The following DCLK2 variants were observed in gnomAD, a reference collection of about 807,000 sequenced individuals.
DCLK2 encodes the protein serine/threonine-protein kinase DCLK2.
Under a neutral mutation model 78.4 loss-of-function variants are expected in DCLK2, and 31 were observed. The observed-to-expected ratio is 0.40, with a 90% CI of 0.30 to 0.53. The LOEUF is 0.53. Ranked by LOEUF, DCLK2 falls within the 20% of genes least tolerant of loss-of-function variation. DCLK2 has a pLI of 0.61. For synonymous variants in DCLK2, 407 were observed against 374.9 expected (o/e 1.09, Z -0.99); for missense variants, 872 against 973.7 (o/e 0.90, Z 1.39).
rs184848414 is a variant in DCLK2 at position 150,148,225 on chromosome 4, G to A, written c.757-44913G>A. ...CTAAAAATACAAAAATTAGCTGGAC[G>A]TTGTGGCATGCACCTGTAGTCCCAG... On this transcript the variant is annotated intron_variant, in intron 2 of 15. Transcript: ENST00000296550. Among the ~76,000 whole-genome samples the A allele has an allele frequency of 4.3e-3, 652 of 152,190 alleles. 2 individuals are homozygous for A. The highest frequency in any genetic ancestry group is 5.1e-3 in the Non-Finnish European group (348 of 67,996).
chr4:150,212,187 C>G (rs6826061), intron 5 of DCLK2, among the ~76,000 whole-genome samples: 1 of 152,190 alleles, frequency 6.6e-6, no homozygotes, highest in African/African-American at 2.4e-5. Flanking sequence ...ACATTTGGAA[C>G]ATTATCCAAC....
intron 5 of DCLK2, among the ~76,000 whole-genome samples, chr4:150,209,546 AGT>A (rs1740131741): frequency 1.3e-5 from 2 of 152,192 alleles, no homozygotes; most frequent in Non-Finnish European, 2.9e-5. Context: ...CCAGGATAAA[AGT>A]CTTGGTCTGC....
At chr4:150,241,716 C>A (rs1742941521) in intron 12 of DCLK2, among the ~76,000 whole-genome samples, 1 of 152,168 alleles carries the variant, frequency 6.6e-6, no homozygotes. Flanking sequence ...ATTCCAAGAT[C>A]AAGGTACTGC....
intron 4 of DCLK2, among the ~76,000 whole-genome samples, chr4:150,203,034 G>A (rs566722259): frequency 3.9e-5 from 6 of 152,100 alleles, no homozygotes; most frequent in Non-Finnish European, 8.8e-5. Flanking sequence ...TGGGGGAAAG[G>A]TTCATTTGCA....
rs10598187 is a variant in DCLK2 at position 150,102,953 on chromosome 4, A to ATG, written c.756+155_756+156dup. 1.3e-3 allele frequency: 880 copies of ATG among 662,810 alleles called. 5 individuals are homozygous for ATG. In the South Asian group the frequency reaches 0.016, roughly 12 times the overall value. The allele number at this position is 662,810 out of a possible 1,614,324, so 41.1% of individuals were successfully genotyped here. A position where few individuals can be genotyped will look rare whatever the true frequency, so the allele number is the denominator to read the frequency against. ...TACTTGAGATTGTGTGTGTGTGTGT[A>ATG]TGTGTGTGTGTGTGTATGTATGTAA... On this transcript the variant is annotated intron_variant, in intron 2 of 15. Transcript: ENST00000296550.
At chr4:150,194,568 A>G (rs1738726711) in intron 3 of DCLK2, among the ~76,000 whole-genome samples, 3 of 152,102 alleles carry the variant, frequency 2.0e-5, no homozygotes, top group South Asian at 4.1e-4. Flanking sequence ...GTTTTACCCT[A>G]TTGTCTTAAA....
chr4:150,230,561 A>G (rs1741965984), intron 8 of DCLK2, among the ~76,000 whole-genome samples: 1 of 152,224 alleles, frequency 6.6e-6, no homozygotes, highest in South Asian at 2.1e-4. Flanking sequence ...CTTCACACGG[A>G]GGGAAATAAA....
intron 2 of DCLK2, among the ~76,000 whole-genome samples, chr4:150,110,405 A>G (rs1731590672): frequency 6.6e-6 from 1 of 152,196 alleles, no homozygotes; most frequent in East Asian, 1.9e-4. Flanking sequence ...GTAATAGCTA[A>G]CAGCTTAATT....
intron 3 of DCLK2, among the ~76,000 whole-genome samples, chr4:150,194,181 C>T (rs9999983): frequency 0.88 from 133,493 of 152,122 alleles, 58,949 homozygotes; most frequent in Middle Eastern, 0.96. Context: ...AATACCTTCT[C>T]GATGTTTAGA....
Position 150,148,806 on chromosome 4 carries a change from G to C in DCLK2, c.757-44332G>C, listed in dbSNP as rs555092879. ...CCAGCAGTTTCGGAGGGCAAGGCGG[G>C]CAGATCACTTGAGGTCAGGGGCTCA... On this transcript the variant is annotated intron_variant, in intron 2 of 15. Transcript: ENST00000296550. Among the ~76,000 whole-genome samples the C allele has an allele frequency of 2.0e-5, 3 of 152,096 alleles. No homozygotes were observed. The East Asian group carries it at 5.8e-4, about 29-fold the overall frequency.
chr4:150,089,484 G>A (rs561086940), intron 1 of DCLK2, among the ~76,000 whole-genome samples: 83 of 152,162 alleles, frequency 5.5e-4, no homozygotes, highest in Non-Finnish European at 8.7e-4. Flanking sequence ...AGGTGGCCAC[G>A]TTTCAATGTG....
chr4:150,147,130 A>T (rs1013898142), intron 2 of DCLK2, among the ~76,000 whole-genome samples: 3 of 151,924 alleles, frequency 2.0e-5, no homozygotes, highest in South Asian at 2.1e-4. Context: ...CAAAAAAAAA[A>T]TAAAAAATAA....
chr4:150,253,781 G>C, intron 15 of DCLK2: 6 of 985,448 alleles, frequency 6.1e-6, no homozygotes, highest in Non-Finnish European at 7.2e-6. Flanking sequence ...ACCAACAGCT[G>C]GTGAGAGCAC....
At chr4:150,231,018 T>A (rs1742012609) in intron 8 of DCLK2, among the ~76,000 whole-genome samples, 1 of 152,268 alleles carries the variant, frequency 6.6e-6, no homozygotes, top group Admixed American at 6.5e-5. Flanking sequence ...CATGCTCTTA[T>A]CTTTTTAAGG....
At chr4:150,212,749 A>C (rs1441728324) in intron 5 of DCLK2, among the ~76,000 whole-genome samples, 1 of 152,226 alleles carries the variant, frequency 6.6e-6, no homozygotes, top group African/African-American at 2.4e-5. Context: ...GGGTTTACCA[A>C]GTAAATCAGT....
chr4:150,176,679 C>G (rs1429971907), intron 2 of DCLK2, among the ~76,000 whole-genome samples: 1 of 152,178 alleles, frequency 6.6e-6, no homozygotes, highest in Non-Finnish European at 1.5e-5. Context: ...ATAACAGCCT[C>G]CTTGTTGGGA....
rs184856339 is a variant in DCLK2 at position 150,111,699 on chromosome 4, A to G, written c.756+8887A>G. On this transcript the variant is annotated intron_variant, in intron 2 of 15. Transcript: ENST00000296550. ...ATCCAGTTTCATTCTTCTACATGTG[A>G]TTATCCAGTCTTCCCAGCACCACTT... Among the ~76,000 whole-genome samples, 453 of 152,116 alleles carry G rather than the reference A, an allele frequency of 3.0e-3. 4 individuals are homozygous for G. The highest frequency in any genetic ancestry group is 0.01 in the African/African-American group (433 of 41,524).
intron 2 of DCLK2, among the ~76,000 whole-genome samples, chr4:150,171,697 G>A (rs1736542988): frequency 6.6e-6 from 1 of 152,182 alleles, no homozygotes; most frequent in Non-Finnish European, 1.5e-5. Context: ...CTTAGGTTGA[G>A]GGTAGGAGGA....
At chr4:150,079,815 C>T (rs1729114464) in intron 1 of DCLK2, among the ~76,000 whole-genome samples, 1 of 152,186 alleles carries the variant, frequency 6.6e-6, no homozygotes, top group African/African-American at 2.4e-5. Context: ...CTGTTGGACC[C>T]TCGGTGTGGA....
Sources: gnomAD v4.1 joint callset for allele counts (sites outside exome capture counted in the v4.1 genomes callset) on GRCh38, gnomAD v4.1.1 for gene constraint, MANE v1.5 for transcripts, NCBI Gene and HGNC (gene_info 2026-07-23, HGNC 2026-07-21) for gene names.